Variants in UBE2D2 observed in about 807,000 individuals in gnomAD.
UBE2D2 encodes the protein ubiquitin conjugating enzyme E2 D2.
Under a neutral mutation model 24.2 loss-of-function variants are expected in UBE2D2, and 2 were observed. The observed-to-expected ratio is 0.08, with a 90% CI of 0.03 to 0.26. UBE2D2 has a LOEUF of 0.26. Ranked by LOEUF, UBE2D2 falls within the 10% of genes least tolerant of loss-of-function variation. UBE2D2 has a pLI of 1.00. For missense variants in UBE2D2, 44 were observed against 177.6 expected, an observed-to-expected ratio of 0.25 and a Z score of 4.28; for synonymous variants, 58 against 56.5, an observed-to-expected ratio of 1.03 and a Z score of -0.12.
rs796756728 is a variant in UBE2D2, at chr5:139,615,927, C to G, written c.304+961C>G. 2.6e-4 allele frequency among the ~76,000 whole-genome samples: 39 copies of G among 149,844 alleles called. 1 individual carries two copies. The highest frequency in any genetic ancestry group is 9.1e-4 in the African/African-American group (37 of 40,702). ...CTTGGCTCATTGAAACCTCCACCTC[C>G]CGGGTTCAAGCAATTCTCCTGCCTC... On this transcript the variant is annotated intron_variant, in intron 5 of 6. Coordinates refer to ENST00000398733, the MANE Select transcript of UBE2D2 (RefSeq NM_003339.3).
upstream of UBE2D2, among the ~76,000 whole-genome samples, chr5:139,559,425 CA>C (rs113176227): frequency 0.11 from 11,808 of 108,288 alleles, 502 homozygotes; most frequent in Middle Eastern, 0.16. Context: ...GACTCCGTCT[CA>C]AAAAAAAAAA....
chr5:139,539,482 T>A (rs1170313943), intron 1 of UBE2D2, among the ~76,000 whole-genome samples: 1 of 152,144 alleles, frequency 6.6e-6, no homozygotes, highest in Non-Finnish European at 1.5e-5. Flanking sequence ...GAGGGAGATC[T>A]TTGTGGTGAT....
chr5:139,569,395 CAAGG>C (rs1043134000), intron 1 of UBE2D2, among the ~76,000 whole-genome samples: 2 of 152,078 alleles, frequency 1.3e-5, no homozygotes, highest in African/African-American at 4.8e-5. Context: ...TGATGACTGA[CAAGG>C]AAGAGGTTTT....
intron 2 of UBE2D2, among the ~76,000 whole-genome samples, chr5:139,600,864 G>A (rs1754057927): frequency 6.6e-6 from 1 of 152,100 alleles, no homozygotes; most frequent in Admixed American, 6.6e-5. Context: ...GTGCAGTGGC[G>A]TGATCTCAGC....
At chr5:139,612,168 C>T (rs971693952) in intron 2 of UBE2D2, 4 of 161,150 alleles carry the variant, frequency 2.5e-5, no homozygotes, top group East Asian at 3.3e-4. Context: ...AGATTTGTTT[C>T]GAAGTCCTGA....
intron 1 of UBE2D2, among the ~76,000 whole-genome samples, chr5:139,589,647 AG>A (rs1328309858): frequency 7.2e-5 from 11 of 152,224 alleles, no homozygotes; most frequent in Admixed American, 2.0e-4. Flanking sequence ...ACACTTAGAA[AG>A]TAGTGATTTA....
At chr5:139,537,905 AGT>A (rs1752706616) in intron 1 of UBE2D2, among the ~76,000 whole-genome samples, 1 of 151,282 alleles carries the variant, frequency 6.6e-6, no homozygotes, top group South Asian at 2.1e-4. Flanking sequence ...CGGAGCTTGC[AGT>A]GAGCTGAGAT....
At chr5:139,577,253 A>G (rs1753494104) in intron 1 of UBE2D2, among the ~76,000 whole-genome samples, 1 of 152,092 alleles carries the variant, frequency 6.6e-6, no homozygotes, top group African/African-American at 2.4e-5. Context: ...TTACAGTTTT[A>G]GGTTAACAGT....
At chr5:139,591,904 T>C (rs1399930653) in intron 1 of UBE2D2, among the ~76,000 whole-genome samples, 1 of 152,016 alleles carries the variant, frequency 6.6e-6, no homozygotes, top group African/African-American at 2.4e-5. Context: ...CTTCAATCTG[T>C]CTTGAAAACC....
chr5:139,562,184 G>C (rs996016097), intron 1 of UBE2D2: 16 of 1,367,830 alleles, frequency 1.2e-5, no homozygotes, highest in African/African-American at 4.4e-5. Flanking sequence ...CGGCCCCTTC[G>C]ACAGAGGTCG....
chr5:139,557,463 C>T (rs1752998165), upstream of UBE2D2, among the ~76,000 whole-genome samples: 2 of 152,042 alleles, frequency 1.3e-5, no homozygotes, highest in African/African-American at 4.8e-5. Flanking sequence ...AAATCAATAT[C>T]CCAGCTGGAC....
Position 139,614,883 on chromosome 5 carries a change from A to G in UBE2D2, c.221A>G (p.Tyr74Cys). The G allele has an allele frequency of 1.2e-6, 2 of 1,613,936 alleles. No individual in the cohort carries two copies. Among genetic ancestry groups the G allele is most frequent in the Non-Finnish European group, 1.7e-6 (2 of 1,179,930 alleles). Residue 74 changes from tyrosine to cysteine, a missense_variant, in exon 5 of 7, where the codon TAT becomes TGT. Around this residue, in one of 2 missense-constraint regions of UBE2D2, gnomAD observed 23 missense variants for 141.9 expected, o/e 0.16. Transcript: ENST00000398733. ...TAGGTTGCATTTACAACAAGAATTTATCATCCAAATATTAACAGTAATGGC... is the reference window on the plus strand; with the variant it reads ...TAGGTTGCATTTACAACAAGAATTTGTCATCCAAATATTAACAGTAATGGC... ...PPKVAFTTRI[Y>C]HPNINSNGSI...
chr5:139,563,804 G>C (rs1753160457), intron 1 of UBE2D2, among the ~76,000 whole-genome samples: 1 of 152,010 alleles, frequency 6.6e-6, no homozygotes, highest in South Asian at 2.1e-4. Flanking sequence ...GCTTGGTGGC[G>C]GGTTCCTGTA....
chr5:139,619,203 C>A (rs1448611128), intron 5 of UBE2D2, among the ~76,000 whole-genome samples: 1 of 152,002 alleles, frequency 6.6e-6, no homozygotes, highest in Admixed American at 6.6e-5. Context: ...TAAGAACAGC[C>A]TGGCCAACAT....
intron 1 of UBE2D2, among the ~76,000 whole-genome samples, chr5:139,573,049 C>G (rs1209591782): frequency 1.3e-5 from 2 of 151,980 alleles, no homozygotes; most frequent in Admixed American, 6.6e-5. Flanking sequence ...TGCCTGTAAT[C>G]CCAGCTCTTT....
chr5:139,602,223 TG>T (rs1561516862), intron 2 of UBE2D2, among the ~76,000 whole-genome samples: 2 of 152,162 alleles, frequency 1.3e-5, no homozygotes, highest in African/African-American at 2.4e-5. Flanking sequence ...GGCTAGTTTT[TG>T]TATTTTTAGT....
At chr5:139,556,904 G>T (rs376117308), upstream of UBE2D2, among the ~76,000 whole-genome samples, 6 of 149,740 alleles carry the variant, frequency 4.0e-5, no homozygotes, top group Non-Finnish European at 8.9e-5. Context: ...GCGCAATCTC[G>T]TCTCACTGCA....
chr5:139,571,814 C>T (rs965678949), intron 1 of UBE2D2, among the ~76,000 whole-genome samples: 4 of 151,116 alleles, frequency 2.6e-5, no homozygotes, highest in Non-Finnish European at 5.9e-5. Flanking sequence ...TCCCTCCTTC[C>T]TTCCTTTTTC....
At chr5:139,611,388 A>T (rs1301002037) in intron 2 of UBE2D2, among the ~76,000 whole-genome samples, 1 of 151,784 alleles carries the variant, frequency 6.6e-6, no homozygotes, top group African/African-American at 2.4e-5. Flanking sequence ...GGGTTTCACT[A>T]TGTTGGTCAG....
Sources: allele counts gnomAD v4.1 joint callset (sites outside exome capture counted in the v4.1 genomes callset), GRCh38; gene constraint gnomAD v4.1.1; regional missense constraint gnomAD v4.1.1; transcripts MANE v1.5; gene names NCBI Gene and HGNC (gene_info 2026-07-23, HGNC 2026-07-21).